The following ADK variants were observed in gnomAD, a reference collection of about 807,000 sequenced individuals.
ADK encodes the protein adenosine kinase.
In ADK, 24 loss-of-function variants were observed where a neutral mutation model predicts 44.7. That is an observed-to-expected ratio of 0.54 (90% confidence interval 0.39 to 0.76). The LOEUF (loss-of-function observed/expected upper bound fraction) is 0.76, where lower values mean the gene tolerates loss of function less well. ADK is among the 30% of genes least tolerant of loss of function. The pLI, the probability that ADK is intolerant of heterozygous loss-of-function variation, is 0.00. For missense variants in ADK, 321 were observed against 425.1 expected, an observed-to-expected ratio of 0.76 and a Z score of 2.15; for synonymous variants, 128 against 142.6, an observed-to-expected ratio of 0.90 and a Z score of 0.73.
At chr10:74,291,276 G>A (rs1847420921) in intron 3 of ADK, among the ~76,000 whole-genome samples, 1 of 152,080 alleles carries the variant, frequency 6.6e-6, no homozygotes, top group Admixed American at 6.5e-5. Context: ...AATTAGCCGG[G>A]TGTGGTGGCA....
chr10:74,613,255 T>C (rs958276624), intron 9 of ADK, among the ~76,000 whole-genome samples: 4 of 152,012 alleles, frequency 2.6e-5, no homozygotes, highest in Admixed American at 2.6e-4. Flanking sequence ...TGGTTGAAAA[T>C]GTTCCCTTTG....
intron 4 of ADK, among the ~76,000 whole-genome samples, chr10:74,331,038 CT>C (rs1841199686): frequency 6.6e-6 from 1 of 152,012 alleles, no homozygotes; most frequent in Admixed American, 6.6e-5. Flanking sequence ...TCTATTTGAA[CT>C]TTTTTCTTTT....
At chr10:74,568,453 C>T (rs1589255783) in intron 7 of ADK, among the ~76,000 whole-genome samples, 2 of 152,078 alleles carry the variant, frequency 1.3e-5, no homozygotes, top group African/African-American at 4.8e-5. Flanking sequence ...CCATCTGTTA[C>T]AGGAAAGGGG....
intron 4 of ADK, among the ~76,000 whole-genome samples, chr10:74,363,620 G>T (rs1842409916): frequency 6.6e-6 from 1 of 151,618 alleles, no homozygotes; most frequent in South Asian, 2.1e-4. Context: ...CTCACCAGTA[G>T]ACCCTGTAGA....
In ADK at chr10:74,493,435, TA is replaced by T. The variant is rs551726135; in HGVS notation, c.556-31820del. Among the ~76,000 whole-genome samples, 353 of 137,578 alleles carry T rather than the reference TA, an allele frequency of 2.6e-3. 4 individuals are homozygous for T. Among genetic ancestry groups the T allele is most frequent in the African/African-American group, 0.012 (340 of 29,142 alleles). The allele number at this position is 137,578 out of a possible 152,430, so 90.3% of individuals were successfully genotyped here. On this transcript the variant is annotated intron_variant, in intron 6 of 10. Transcript: ENST00000539909. ...TCTTTACATATATAGACCTCATCTA[TA>T]TATATATATATATCTCATCTATATA... is the stretch of plus-strand genomic sequence containing the variant.
chr10:74,273,476 A>C (rs913617318), intron 3 of ADK, among the ~76,000 whole-genome samples: 1 of 148,392 alleles, frequency 6.7e-6, no homozygotes, highest in African/African-American at 2.5e-5. Flanking sequence ...TTTTTCTTTG[A>C]GATGAAGTCT....
At chr10:74,664,358 A>G (rs1443964588) in intron 9 of ADK, among the ~76,000 whole-genome samples, 2 of 152,160 alleles carry the variant, frequency 1.3e-5, no homozygotes, top group African/African-American at 2.4e-5. Flanking sequence ...GCATAGAAAA[A>G]TTCTAGAAGG....
intron 9 of ADK, among the ~76,000 whole-genome samples, chr10:74,611,755 T>C (rs1376367875): frequency 6.6e-6 from 1 of 152,076 alleles, no homozygotes; most frequent in Non-Finnish European, 1.5e-5. Context: ...GTTAATTCAC[T>C]TTGGATAATG....
intron 3 of ADK, among the ~76,000 whole-genome samples, chr10:74,265,280 A>G (rs4341485): frequency 0.48 from 73,233 of 151,406 alleles, 20,114 homozygotes; most frequent in Non-Finnish European, 0.62. Flanking sequence ...CAGTGGTACA[A>G]TCTCAGCTCA....
chr10:74,455,189 C>G (rs932185788), intron 6 of ADK, among the ~76,000 whole-genome samples: 1 of 151,912 alleles, frequency 6.6e-6, no homozygotes, highest in Non-Finnish European at 1.5e-5. Flanking sequence ...CCACAATAAA[C>G]ACTCACAAAA....
intron 2 of ADK, among the ~76,000 whole-genome samples, chr10:74,221,161 C>G (rs1325426607): frequency 6.6e-6 from 1 of 151,200 alleles, no homozygotes; most frequent in African/African-American, 2.4e-5. Context: ...TGATAAGCAA[C>G]TTCAGCAAAG....
intron 7 of ADK, among the ~76,000 whole-genome samples, chr10:74,577,819 C>T (rs1305841679): frequency 6.6e-6 from 1 of 152,084 alleles, no homozygotes; most frequent in Non-Finnish European, 1.5e-5. Context: ...AAAACTAGCG[C>T]TCTCTCTTTA....
intron 1 of ADK, among the ~76,000 whole-genome samples, chr10:74,186,351 C>A (rs1480640336): frequency 6.6e-6 from 1 of 151,998 alleles, no homozygotes; most frequent in Non-Finnish European, 1.5e-5. Flanking sequence ...GCAAACACGT[C>A]TCACTGCAAC....
intron 4 of ADK, among the ~76,000 whole-genome samples, chr10:74,319,215 T>C (rs1840731024): frequency 6.6e-6 from 1 of 152,242 alleles, no homozygotes; most frequent in African/African-American, 2.4e-5. Context: ...GAATAATATA[T>C]GATTTTGAAT....
rs1855121501 is a variant in ADK at position 74,670,262 on chromosome 10, T to A, written c.957T>A (p.Phe319Leu). The change falls in exon 10 of 11, where the codon TTT becomes TTA. Residue 319 changes from phenylalanine (F) to leucine (L), a missense_variant. Coordinates refer to ENST00000539909, the MANE Select transcript of ADK (RefSeq NM_006721.4). ...ATACCAATGGAGCTGGAGATGCATT[T>A]GTTGGAGGTACAGACTAATTTATTT... The part of the protein sequence containing the change: ...IIDTNGAGDA[F>L]VGGFLSQLVS... 6.2e-7 allele frequency: 1 copy of A among 1,612,042 alleles called. No homozygotes were observed. The highest frequency in any genetic ancestry group is 1.7e-5 in the Admixed American group (1 of 59,996).
At chr10:74,171,411 T>A (rs1442289535) in intron 1 of ADK, among the ~76,000 whole-genome samples, 2 of 152,208 alleles carry the variant, frequency 1.3e-5, no homozygotes, top group Admixed American at 6.5e-5. Context: ...AGAACTTTGC[T>A]ATTATTTTGG....
intron 7 of ADK, among the ~76,000 whole-genome samples, chr10:74,573,600 C>G (rs1223538303): frequency 6.6e-6 from 1 of 152,200 alleles, no homozygotes; most frequent in Non-Finnish European, 1.5e-5. Flanking sequence ...CTGTGCCCTG[C>G]CCCCAGAGGT....
intron 6 of ADK, among the ~76,000 whole-genome samples, chr10:74,461,146 A>T (rs1008547898): frequency 1.3e-5 from 2 of 148,788 alleles, no homozygotes; most frequent in African/African-American, 4.9e-5. Context: ...CGGAAATAGA[A>T]TTTTTTTTTT....
In ADK at chr10:74,690,019, C is replaced by CA. The variant is rs201861040; in HGVS notation, c.965-18301dup. Among the ~76,000 whole-genome samples, 1,095 of 152,300 alleles carry CA rather than the reference C, an allele frequency of 7.2e-3. 9 individuals carry two copies. Among genetic ancestry groups the CA allele is most frequent in the African/African-American group, 0.026 (1,060 of 41,556 alleles). ...ATACTGAAGCAGCTGGTTCAGGGAA[C>CA]ACGCTTTGTGAACCATTTCTGGAAA... On this transcript the variant is annotated intron_variant, in intron 10 of 10. Coordinates refer to ENST00000539909, the MANE Select transcript of ADK (RefSeq NM_006721.4).
Sources: allele counts gnomAD v4.1 joint callset (sites outside exome capture counted in the v4.1 genomes callset), GRCh38; gene constraint gnomAD v4.1.1; transcripts MANE v1.5; gene names NCBI Gene and HGNC (gene_info 2026-07-23, HGNC 2026-07-21).